LY75: variants seen among roughly 807,000 people sequenced by gnomAD.
LY75 encodes the protein lymphocyte antigen 75, also known as C-type lectin domain family 13 member B.
Under a neutral mutation model 231.7 loss-of-function variants are expected in LY75, and 185 were observed. That is an observed-to-expected ratio of 0.80 (90% CI 0.71 to 0.90). The LOEUF (loss-of-function observed/expected upper bound fraction) is 0.90, where lower values mean the gene tolerates loss of function less well. LY75 is among the 40% of genes least tolerant of loss of function. LY75 has a pLI of 0.00. For synonymous variants in LY75, 668 were observed against 689.0 expected (o/e 0.97, Z 0.48); for missense variants, 1,947 against 2,050.2 (o/e 0.95, Z 0.97).
intron 21 of LY75, among the ~76,000 whole-genome samples, chr2:159,850,791 T>TATCTATATATATATATATATATATAAAA (rs1684370069): frequency 1.1e-5 from 1 of 94,510 alleles, no homozygotes; most frequent in Non-Finnish European, 2.3e-5. Context: ...TATATATATA[T>TATCTATATATATATATATATATATAAAA]ATATATATTA....
At chr2:159,872,187 T>C in intron 13 of LY75, 1 of 301,816 alleles carries the variant, frequency 3.3e-6, no homozygotes. Flanking sequence ...TCCTTGCCTA[T>C]ATTCTAGATT....
At chr2:159,859,002 T>C (rs191570040) in intron 15 of LY75, among the ~76,000 whole-genome samples, 1 of 152,338 alleles carries the variant, frequency 6.6e-6, no homozygotes, top group Admixed American at 6.5e-5. Flanking sequence ...AGACCAAGTT[T>C]CTGGGGGTTC....
chr2:159,874,941 GTAAATATATTTA>G (rs1210062060), intron 12 of LY75, among the ~76,000 whole-genome samples: 1 of 129,356 alleles, frequency 7.7e-6, no homozygotes, highest in Admixed American at 8.0e-5. Flanking sequence ...TATATATATT[GTAAATATATTTA>G]TAAATATATT....
Position 159,879,298 on chromosome 2 carries a change from C to T in LY75, c.1476G>A (p.Leu492=). Residue 492 remains leucine, a synonymous_variant, in exon 9 of 35, where the codon CTG becomes CTA. Transcript: ENST00000263636. ...ACATCTTATCAGAACTTGCGTCATT[C>T]AGTTTTTCTCCCTTTCTCTTGCATA... The part of the protein sequence containing the change: ...KYVCKRKGEK[L]NDASSDKMCP... The T allele has an allele frequency of 6.2e-7, 1 of 1,613,756 alleles. No homozygotes were observed. Among genetic ancestry groups the T allele is most frequent in the Non-Finnish European group, 8.5e-7 (1 of 1,179,876 alleles).
chr2:159,888,394 A>G (rs578138897), intron 4 of LY75, among the ~76,000 whole-genome samples: 1 of 152,296 alleles, frequency 6.6e-6, no homozygotes, highest in African/African-American at 2.4e-5. Context: ...CTTTCACATA[A>G]ATAGAGTTCT....
Position 159,885,210 on chromosome 2 carries a change from C to T in LY75, c.997G>A (p.Glu333Lys), listed in dbSNP as rs1423834805. 1.2e-6 allele frequency: 2 copies of T among 1,613,558 alleles called. No individual in the cohort carries two copies. The highest frequency in any genetic ancestry group is 1.3e-5 in the African/African-American group (1 of 74,886). ...ESGLWQSFSC[E>K]AQLPYVCRKP... ...CTGCAGACATAGGGCAGTTGAGCTTCACAGGAAAAGCTCTGCCACAGACCA... is the reference window on the plus strand; with the variant it reads ...CTGCAGACATAGGGCAGTTGAGCTTTACAGGAAAAGCTCTGCCACAGACCA... Residue 333 changes from glutamate (E) to lysine (K), a missense_variant, in exon 6 of 35, where the codon GAA (glutamate) becomes AAA (lysine). Transcript: ENST00000263636.
intron 16 of LY75, 105 bp downstream of exon 16, chr2:159,858,257 T>C: frequency 7.1e-7 from 1 of 1,405,190 alleles, no homozygotes; most frequent in South Asian, 1.5e-5. Flanking sequence ...ATCATAGGCT[T>C]TTAGACATCA....
intron 34 of LY75, among the ~76,000 whole-genome samples, chr2:159,805,493 C>T (rs1170880182): frequency 3.9e-5 from 6 of 152,326 alleles, no homozygotes; most frequent in Non-Finnish European, 7.3e-5. Context: ...CATTAATGCG[C>T]TATGATTATT....
intron 28 of LY75, among the ~76,000 whole-genome samples, chr2:159,825,218 A>G (rs1470239358): frequency 1.3e-5 from 2 of 152,182 alleles, no homozygotes; most frequent in African/African-American, 4.8e-5. Flanking sequence ...TAGCCAGACT[A>G]ATAAAGAAGA....
At chr2:159,815,967 G>A (rs1683109467) in intron 30 of LY75, among the ~76,000 whole-genome samples, 1 of 151,976 alleles carries the variant, frequency 6.6e-6, no homozygotes, top group Non-Finnish European at 1.5e-5. Flanking sequence ...TGTGTTTTGT[G>A]TCTCTGGCTA....
chr2:159,822,060 C>T (rs976542795), intron 28 of LY75, among the ~76,000 whole-genome samples: 2 of 152,248 alleles, frequency 1.3e-5, no homozygotes, highest in African/African-American at 4.8e-5. Flanking sequence ...CCTCTGGTGC[C>T]TACCCCACCA....
At chr2:159,808,748 A>G (rs954202138) in intron 32 of LY75, among the ~76,000 whole-genome samples, 177 bp from the exon 33 acceptor site, 3 of 152,320 alleles carry the variant, frequency 2.0e-5, no homozygotes, top group Admixed American at 2.0e-4. Context: ...AAGTACTTCA[A>G]AAAAATTACT....
chr2:159,875,417 A>G (rs1368418253), intron 12 of LY75, 27 bp downstream of exon 12: 1 of 1,604,454 alleles, frequency 6.2e-7, no homozygotes, highest in Admixed American at 1.7e-5. Flanking sequence ...AACTTCATTG[A>G]AGGATAGAAT....
Position 159,816,809 on chromosome 2 carries a change from A to G in LY75, c.4377T>C (p.His1459=), listed in dbSNP as rs1335664035. The change falls in exon 30 of 35, where the codon CAT becomes CAC. Residue 1459 remains histidine, a synonymous_variant. Transcript: ENST00000263636. ...GFPLWVGLSS[H]DGSESSFEWS... is the part of the protein sequence containing the mutation. Reference sequence around the variant, plus strand: ...TGGAAAACGAAGCAAGACTTACATCATGACTTGAGAGCCCAACCCATAGTG... The same window carrying G: ...TGGAAAACGAAGCAAGACTTACATCGTGACTTGAGAGCCCAACCCATAGTG... 1 of 1,613,420 alleles carries G rather than the reference A, an allele frequency of 6.2e-7. No individual in the cohort carries two copies.
At chr2:159,832,063 C>T (rs1183352560) in intron 27 of LY75, among the ~76,000 whole-genome samples, 1 of 128,318 alleles carries the variant, frequency 7.8e-6, no homozygotes, top group Non-Finnish European at 1.9e-5. Context: ...TTCACTTTCC[C>T]CTATTTAAAG....
chr2:159,899,731 T>A (rs572159803), intron 1 of LY75, among the ~76,000 whole-genome samples: 1 of 152,284 alleles, frequency 6.6e-6, no homozygotes, highest in East Asian at 1.9e-4. Context: ...CCCTAGATAT[T>A]TTTTGGAGAC....
chr2:159,808,242 T>C (rs1460450641), intron 33 of LY75: 2 of 773,668 alleles, frequency 2.6e-6, no homozygotes, highest in Non-Finnish European at 3.1e-6. Context: ...GGATTTTCTG[T>C]GTCATTAGTG....
chr2:159,897,652 A>T (rs966883668), intron 2 of LY75, among the ~76,000 whole-genome samples: 4 of 152,234 alleles, frequency 2.6e-5, no homozygotes, highest in Admixed American at 2.0e-4. Context: ...AGCTTAAATG[A>T]TCTTTAAGAG....
intron 33 of LY75, 113 bp downstream of exon 33, chr2:159,808,336 C>T (rs1682850046): frequency 6.4e-7 from 1 of 1,559,714 alleles, no homozygotes; most frequent in Non-Finnish European, 8.7e-7. Context: ...CTTATTTATC[C>T]AGAAGAGGCA....
Sources: allele counts gnomAD v4.1 joint callset (sites outside exome capture counted in the v4.1 genomes callset), GRCh38; gene constraint gnomAD v4.1.1; transcripts MANE v1.5; gene names NCBI Gene and HGNC (gene_info 2026-07-23, HGNC 2026-07-21).